Variants in DNAH6 observed in about 807,000 individuals in gnomAD.
DNAH6 encodes axonemal beta dynein heavy chain 6.
A neutral mutation model predicts 491.4 loss-of-function variants in DNAH6; 340 were observed. The observed-to-expected ratio is 0.69, with a 90% CI of 0.63 to 0.76. The LOEUF is 0.76. Ranked by LOEUF, DNAH6 falls within the 30% of genes least tolerant of loss-of-function variation. The pLI is 0.00. For synonymous variants in DNAH6, 1,603 were observed against 1,686.1 expected, an observed-to-expected ratio of 0.95 and a Z score of 1.21; for missense variants, 4,443 against 4,972.2, an observed-to-expected ratio of 0.89 and a Z score of 3.20.
At chr2:84,624,061 A>G (rs958333280) in intron 26 of DNAH6, among the ~76,000 whole-genome samples, 2 of 152,204 alleles carry the variant, frequency 1.3e-5, no homozygotes, top group Non-Finnish European at 2.9e-5. Flanking sequence ...CCTCAAATGT[A>G]CAATAGGGGT....
In DNAH6 at chr2:84,576,085, A is replaced by T. The variant is rs188539438; in HGVS notation, c.1925-1172A>T. On this transcript the variant is annotated intron_variant, in intron 12 of 76. Coordinates refer to ENST00000389394, the MANE Select transcript of DNAH6 (RefSeq NM_001370.2). ...TAATTACATGATACCATGAAAAAAGATGGTGCTCAAATAAATTTGGAAAAT... is the reference window on the plus strand; with the variant it reads ...TAATTACATGATACCATGAAAAAAGTTGGTGCTCAAATAAATTTGGAAAAT... 6.6e-5 allele frequency among the ~76,000 whole-genome samples: 10 copies of T among 152,338 alleles called. 1 individual carries two copies. Among genetic ancestry groups the T allele is most frequent in the Admixed American group, 6.5e-4 (10 of 15,302 alleles).
the DNAH6 span, among the ~76,000 whole-genome samples, chr2:84,482,256 C>T: frequency 6.6e-6 from 1 of 152,122 alleles, no homozygotes; most frequent in Non-Finnish European, 1.5e-5. Context: ...GAAAGAACAA[C>T]ACACAAAAAA....
chr2:84,603,981 C>G (rs534758366), intron 18 of DNAH6, among the ~76,000 whole-genome samples: 2 of 152,148 alleles, frequency 1.3e-5, no homozygotes, highest in Non-Finnish European at 2.9e-5. Context: ...CATTCTACCC[C>G]GCACTTAATA....
chr2:84,818,936 G>A (rs1188157705), intron 76 of DNAH6, among the ~76,000 whole-genome samples: 2 of 152,154 alleles, frequency 1.3e-5, no homozygotes, highest in Admixed American at 1.3e-4. Context: ...AGCCAGGCAT[G>A]GTGGTACGCA....
chr2:84,675,599 G>A (rs542610717), intron 40 of DNAH6, among the ~76,000 whole-genome samples: 2 of 152,264 alleles, frequency 1.3e-5, no homozygotes, highest in East Asian at 3.9e-4. Flanking sequence ...CCCCCAACAA[G>A]CATTGCCTCA....
At position 84,606,959 on chromosome 2, in the gene DNAH6, T is replaced by C. The variant is rs980662185; in HGVS notation, c.3175-17T>C. On this transcript the variant is annotated splice_polypyrimidine_tract_variant and intron_variant, in intron 20 of 76. Transcript: ENST00000389394. ...AATACTGGGTGCTGCATGTATTTTC[T>C]TCCCCTTCCTTTAAAGGTCCTTCTT... 1 of 1,547,558 alleles carries C rather than the reference T, an allele frequency of 6.5e-7. No homozygotes were observed. The highest frequency in any genetic ancestry group is 8.7e-7 in the Non-Finnish European group (1 of 1,143,778).
At chr2:84,490,009 G>A in the DNAH6 span, among the ~76,000 whole-genome samples, 1 of 152,126 alleles carries the variant, frequency 6.6e-6, no homozygotes, top group African/African-American at 2.4e-5. Context: ...TGAATCTTGT[G>A]TCCCTCAGGC....
intron 12 of DNAH6, among the ~76,000 whole-genome samples, chr2:84,575,105 G>A (rs983126874): frequency 3.9e-5 from 6 of 152,100 alleles, no homozygotes; most frequent in Non-Finnish European, 5.9e-5. Context: ...CCCCCAGTAC[G>A]TCCTAAACCA....
chr2:84,574,468 C>T (rs796157291), intron 12 of DNAH6, among the ~76,000 whole-genome samples: 6 of 152,266 alleles, frequency 3.9e-5, no homozygotes, highest in African/African-American at 1.4e-4. Context: ...AGTAAAGCAG[C>T]TTCCAGATGA....
chr2:84,817,733 C>T (rs1680627683), intron 76 of DNAH6, among the ~76,000 whole-genome samples: 1 of 152,208 alleles, frequency 6.6e-6, no homozygotes, highest in African/African-American at 2.4e-5. Flanking sequence ...GCATCTGCTT[C>T]TGGTGAGAGC....
At position 84,518,834 on chromosome 2, in the gene DNAH6, A is replaced by ATTCT. The variant is rs1236268622; in HGVS notation, c.225+784_225+787dup. On this transcript the variant is annotated intron_variant, in intron 2 of 76. Transcript: ENST00000389394. The stretch of plus-strand genomic sequence containing the variant: ...CAAAGCAGACAAGATTCCTGTTGAC[A>ATTCT]TTCTAGTAATTCTAAATAAGCAGAC... Among the ~76,000 whole-genome samples the ATTCT allele has an allele frequency of 1.5e-4, 23 of 152,354 alleles. 1 individual carries two copies. The highest frequency in any genetic ancestry group is 5.3e-4 in the African/African-American group (22 of 41,580).
intron 4 of DNAH6, among the ~76,000 whole-genome samples, chr2:84,542,880 C>T (rs974676382): frequency 2.0e-5 from 3 of 152,118 alleles, no homozygotes; most frequent in East Asian, 1.9e-4. Context: ...GGCTGTGGCC[C>T]GGACATGGTG....
At position 84,709,428 on chromosome 2, in the gene DNAH6, C is replaced by A. The variant is rs1325399273; in HGVS notation, c.9134C>A (p.Pro3045His). The change falls in exon 55 of 77, where the codon CCC becomes CAC. Residue 3045 changes from proline (P) to histidine (H), a missense_variant. By Grantham distance (77) the Pro-to-His change is moderately conservative. This residue lies in a region of DNAH6 where 1,463 missense variants were observed against 1,656.6 expected (regional missense o/e 0.88). Transcript: ENST00000389394. Reference sequence around the variant, plus strand: ...AGTCTCATTAACATTCTTGGAGATCCCTACGAGATACGGCAGTGGAACACT... The same window carrying A: ...AGTCTCATTAACATTCTTGGAGATCACTACGAGATACGGCAGTGGAACACT... ...SFSLINILGD[P>H]YEIRQWNTDG... 1 of 1,551,506 alleles carries A rather than the reference C, an allele frequency of 6.4e-7. No individual in the cohort carries two copies. Among genetic ancestry groups the A allele is most frequent in the African/African-American group, 1.4e-5 (1 of 73,004 alleles).
chr2:84,693,844 A>G (rs377158723), intron 45 of DNAH6, among the ~76,000 whole-genome samples: 4 of 152,114 alleles, frequency 2.6e-5, no homozygotes, highest in African/African-American at 9.6e-5. Context: ...CTCCTTCTGC[A>G]CTGTGGTGTC....
At chr2:84,534,002 C>G (rs1677433560) in intron 4 of DNAH6, among the ~76,000 whole-genome samples, 1 of 152,072 alleles carries the variant, frequency 6.6e-6, no homozygotes, top group African/African-American at 2.4e-5. Context: ...GTGGCTCACA[C>G]TACCCATCAT....
intron 11 of DNAH6, among the ~76,000 whole-genome samples, chr2:84,571,639 C>T (rs1435430663): frequency 3.3e-5 from 5 of 151,946 alleles, no homozygotes; most frequent in African/African-American, 7.3e-5. Flanking sequence ...ACCATCCAGG[C>T]GCAGTGGCTC....
rs1697755425 is a variant in DNAH6, at chr2:84,718,384, G to A, written c.9792G>A (p.Lys3264=). 2.6e-6 allele frequency: 4 copies of A among 1,521,906 alleles called. No individual in the cohort carries two copies. Among genetic ancestry groups the A allele is most frequent in the Non-Finnish European group, 2.6e-6 (3 of 1,136,772 alleles). 94.3% of individuals were successfully genotyped at this position (1,521,906 alleles called of 1,614,324 possible). A position where few individuals can be genotyped will look rare whatever the true frequency, so the allele number is the denominator to read the frequency against. The change falls in exon 59 of 77, where the codon AAG becomes AAA. Residue 3264 remains lysine, a splice_region_variant and synonymous_variant. Transcript: ENST00000389394. ...EELIDTLQDS[K]ITSGAIKTRL... is the part of the protein sequence containing the mutation. ...TTATTGACACACTCCAGGATTCAAA[G>A]GCAAGTAAAATATTTTTAGTACTTA...
chr2:84,755,929 G>A (rs1673965809), intron 63 of DNAH6, among the ~76,000 whole-genome samples: 1 of 152,252 alleles, frequency 6.6e-6, no homozygotes, highest in South Asian at 2.1e-4. Flanking sequence ...TAAGTCTCAC[G>A]AGATCTGATT....
chr2:84,595,825 C>G lies in DNAH6; in HGVS notation c.2868+36C>G, dbSNP rs1246914401. 4.6e-6 allele frequency: 7 copies of G among 1,512,492 alleles called. No homozygotes were observed. In the African/African-American group the frequency reaches 8.4e-5, roughly 18 times the overall value. The allele number at this position is 1,512,492 out of a possible 1,614,324, so 93.7% of individuals were successfully genotyped here. A position where few individuals can be genotyped will look rare whatever the true frequency, so the allele number is the denominator to read the frequency against. On this transcript the variant is annotated intron_variant, in intron 18 of 76. Coordinates refer to ENST00000389394, the MANE Select transcript of DNAH6 (RefSeq NM_001370.2). ...TAGAAGTTATTTCAAAAACTGTAGG[C>G]CAGTTGGTTATTAATTGATGCTAAT...
Sources: allele counts gnomAD v4.1 joint callset (sites outside exome capture counted in the v4.1 genomes callset), GRCh38; gene constraint gnomAD v4.1.1; regional missense constraint gnomAD v4.1.1; transcripts MANE v1.5; gene names NCBI Gene and HGNC (gene_info 2026-07-23, HGNC 2026-07-21).